Variants in TRABD2B observed in about 807,000 individuals in gnomAD.
TRABD2B encodes the protein metalloprotease TIKI2.
Under a neutral mutation model 40.1 loss-of-function variants are expected in TRABD2B, and 14 were observed. That is an observed-to-expected ratio of 0.35 (90% CI 0.23 to 0.55). The LOEUF (loss-of-function observed/expected upper bound fraction) is 0.55. Among genes scored for constraint, TRABD2B ranks in the 20% least tolerant of loss-of-function variants. The pLI, the probability that TRABD2B is intolerant of heterozygous loss-of-function variation, is 0.90. For missense variants in TRABD2B, 541 were observed against 648.6 expected, an observed-to-expected ratio of 0.83 and a Z score of 1.80; for synonymous variants, 263 against 277.0, an observed-to-expected ratio of 0.95 and a Z score of 0.50.
intron 3 of TRABD2B, among the ~76,000 whole-genome samples, chr1:47,798,355 T>C (rs1370596021): frequency 6.6e-6 from 1 of 152,224 alleles, no homozygotes; most frequent in African/African-American, 2.4e-5. Flanking sequence ...GGACAATAAA[T>C]GCATGCAGCA....
At chr1:47,988,823 T>C (rs891285700) in intron 2 of TRABD2B, among the ~76,000 whole-genome samples, 3 of 152,228 alleles carry the variant, frequency 2.0e-5, no homozygotes, top group East Asian at 3.8e-4. Flanking sequence ...GGAAAAGGGC[T>C]GGCCCAAAGT....
At chr1:47,915,080 CA>C (rs1350633106) in intron 2 of TRABD2B, among the ~76,000 whole-genome samples, 1 of 152,200 alleles carries the variant, frequency 6.6e-6, no homozygotes, top group African/African-American at 2.4e-5. Flanking sequence ...GGGTCTTGCT[CA>C]CTGGTGTATT....
chr1:47,796,131 C>T (rs1644745226), intron 3 of TRABD2B, among the ~76,000 whole-genome samples: 1 of 152,218 alleles, frequency 6.6e-6, no homozygotes, highest in Non-Finnish European at 1.5e-5. Context: ...GTCTTTCCAA[C>T]CTGGATAACA....
rs1252338594 is a variant in TRABD2B at position 47,764,726 on chromosome 1, C to T, written c.*1176G>A. The T allele has an allele frequency of 6.6e-6, 1 of 152,222 alleles. No homozygotes were observed. The highest frequency in any genetic ancestry group is 2.4e-5 in the African/African-American group (1 of 41,428). 9.4% of individuals were successfully genotyped at this position (152,222 alleles called of 1,614,324 possible). A position where few individuals can be genotyped will look rare whatever the true frequency, so the allele number is the denominator to read the frequency against. ...GCCCCAGTTTGGGTGAGATCTGCTC[C>T]CTTGCAGAGAGAACGTGGCAGAACA... On this transcript the variant is annotated 3_prime_UTR_variant, in exon 7 of 7. Transcript: ENST00000606738.
intron 2 of TRABD2B, among the ~76,000 whole-genome samples, chr1:47,980,731 C>T (rs1030926391): frequency 2.6e-5 from 4 of 152,220 alleles, no homozygotes; most frequent in Non-Finnish European, 5.9e-5. Flanking sequence ...GCCCTGCCAT[C>T]GCTTCAACTG....
chr1:47,940,549 T>C (rs1234012531), intron 2 of TRABD2B, among the ~76,000 whole-genome samples: 3 of 152,212 alleles, frequency 2.0e-5, no homozygotes, highest in Non-Finnish European at 4.4e-5. Context: ...TCACTACTGC[T>C]TCCTGGAGAG....
At position 47,813,983 on chromosome 1, in the gene TRABD2B, G is replaced by T. The variant is rs11211607; in HGVS notation, c.667-12364C>A. Among the ~76,000 whole-genome samples, 155 of 152,358 alleles carry T rather than the reference G, an allele frequency of 1.0e-3. No homozygotes were observed. The highest frequency in any genetic ancestry group is 3.4e-3 in the African/African-American group (142 of 41,576). ...ATCAAGTAACATTCATTAAGGCTGG[G>T]GCTAAGGGATGGACAAGGTGCTGTG... On this transcript the variant is annotated intron_variant, in intron 2 of 6. Transcript: ENST00000606738. This position sits in a 1 kb window ranked among gnomAD's most constrained non-coding sequence, Gnocchi z 4.3.
intron 4 of TRABD2B, among the ~76,000 whole-genome samples, chr1:47,786,557 T>C (rs1644598257): frequency 6.6e-6 from 1 of 152,224 alleles, no homozygotes; most frequent in Admixed American, 6.5e-5. Flanking sequence ...GCCAGATGCA[T>C]GCGTGGTGGG....
intron 2 of TRABD2B, among the ~76,000 whole-genome samples, chr1:47,914,172 G>T (rs1022637566): frequency 2.0e-5 from 3 of 152,254 alleles, no homozygotes; most frequent in African/African-American, 7.2e-5. Context: ...TCCAGCACCT[G>T]GCAGGTGACG....
intron 2 of TRABD2B, among the ~76,000 whole-genome samples, chr1:47,888,970 G>A (rs1644409256): frequency 6.6e-6 from 1 of 152,154 alleles, no homozygotes; most frequent in African/African-American, 2.4e-5. Flanking sequence ...GCGCTCCCCA[G>A]CCCCTGTACT....
intron 2 of TRABD2B, among the ~76,000 whole-genome samples, chr1:47,897,662 A>G (rs777170143): frequency 5.9e-5 from 9 of 152,180 alleles, no homozygotes; most frequent in Non-Finnish European, 8.8e-5. Flanking sequence ...TCCTTATCAC[A>G]GCTCAATCAG....
chr1:47,970,870 CT>C (rs1393900321), intron 2 of TRABD2B, among the ~76,000 whole-genome samples: 2 of 152,160 alleles, frequency 1.3e-5, no homozygotes, highest in African/African-American at 2.4e-5. Flanking sequence ...ATCTAAGGCT[CT>C]GGTGGCGCAT....
At chr1:47,960,411 G>C (rs1033470877) in intron 2 of TRABD2B, among the ~76,000 whole-genome samples, 14 of 152,174 alleles carry the variant, frequency 9.2e-5, no homozygotes, top group Admixed American at 8.5e-4. Flanking sequence ...ATTAGGAAAA[G>C]AGGAAGTCAA....
At chr1:47,836,323 TC>T (rs1645317857) in intron 2 of TRABD2B, among the ~76,000 whole-genome samples, 1 of 152,208 alleles carries the variant, frequency 6.6e-6, no homozygotes, top group African/African-American at 2.4e-5. Flanking sequence ...GCCATGCATG[TC>T]AAAGAGAAGA....
chr1:47,886,212 C>G (rs1196455936), intron 2 of TRABD2B, among the ~76,000 whole-genome samples: 1 of 152,184 alleles, frequency 6.6e-6, no homozygotes, highest in Non-Finnish European at 1.5e-5. Flanking sequence ...CCCACCTCCT[C>G]CAGGGAGCCC....
intron 2 of TRABD2B, among the ~76,000 whole-genome samples, chr1:47,912,070 T>C (rs12075083): frequency 1.3e-5 from 2 of 152,118 alleles, no homozygotes; most frequent in Non-Finnish European, 2.9e-5. Context: ...ATTCTTTGCA[T>C]CTCTTGGAGG....
chr1:47,952,052 A>G (rs1645352917), intron 2 of TRABD2B, among the ~76,000 whole-genome samples: 1 of 152,210 alleles, frequency 6.6e-6, no homozygotes, highest in Non-Finnish European at 1.5e-5. Flanking sequence ...CTTCTATTGC[A>G]GAAGCCTTCT....
At chr1:47,836,102 A>T (rs1462751505) in intron 2 of TRABD2B, among the ~76,000 whole-genome samples, 3 of 152,236 alleles carry the variant, frequency 2.0e-5, no homozygotes, top group Non-Finnish European at 4.4e-5. Context: ...TATTAATATG[A>T]ATTTATAATT....
chr1:47,816,493 GA>G lies in TRABD2B; in HGVS notation c.667-14875del, dbSNP rs201882444. Among the ~76,000 whole-genome samples the G allele has an allele frequency of 2.5e-3, 376 of 152,092 alleles. 7 individuals carry two copies. In the East Asian group the frequency reaches 0.061, roughly 25 times the overall value. On this transcript the variant is annotated intron_variant, in intron 2 of 6. Transcript: ENST00000606738. Reference sequence around the variant, plus strand: ...CATGTGCCGCCCATATAGTTTTTTTGAATGTGCAATTTGTTTCCTGCTTCAG... The same window carrying G: ...CATGTGCCGCCCATATAGTTTTTTTGATGTGCAATTTGTTTCCTGCTTCAG...
Sources: allele counts gnomAD v4.1 joint callset (sites outside exome capture counted in the v4.1 genomes callset), GRCh38; gene constraint gnomAD v4.1.1; non-coding constraint Gnocchi (gnomAD v3.1); transcripts MANE v1.5; gene names NCBI Gene and HGNC (gene_info 2026-07-23, HGNC 2026-07-21).